Variants in PCDH9 observed in about 807,000 individuals in gnomAD.
PCDH9 encodes protocadherin 9, also known as protocadherin-9.
PCDH9 carries 24 observed loss-of-function variants against 70.6 expected under a neutral mutation model. The ratio of observed to expected loss-of-function variants is 0.34; its 90% CI spans 0.25 to 0.48. The LOEUF is 0.48. PCDH9 is among the 20% of genes least tolerant of loss of function. The pLI is 0.99. For missense variants in PCDH9, 1,281 were observed against 1,503.6 expected, an observed-to-expected ratio of 0.85 and a Z score of 2.45; for synonymous variants, 562 against 558.5, an observed-to-expected ratio of 1.01 and a Z score of -0.09.
chr13:66,686,768 CTT>C (rs2078409360), intron 3 of PCDH9, among the ~76,000 whole-genome samples: 1 of 152,142 alleles, frequency 6.6e-6, no homozygotes, highest in African/African-American at 2.4e-5. Context: ...ACAGAGGCCT[CTT>C]TTACTCTCAA....
chr13:66,479,734 A>C (rs893755379), intron 4 of PCDH9, among the ~76,000 whole-genome samples: 1 of 152,202 alleles, frequency 6.6e-6, no homozygotes, highest in African/African-American at 2.4e-5. Context: ...GCACTCTGTA[A>C]AAATGTGCCC....
chr13:67,190,820 T>C (rs1049298370), intron 2 of PCDH9, among the ~76,000 whole-genome samples: 9 of 152,252 alleles, frequency 5.9e-5, no homozygotes, highest in Non-Finnish European at 4.4e-5. Flanking sequence ...TGCCTGTTTA[T>C]GTTCTATGTG....
chr13:66,847,392 G>A (rs569060430), intron 3 of PCDH9, among the ~76,000 whole-genome samples: 3 of 152,286 alleles, frequency 2.0e-5, no homozygotes, highest in East Asian at 1.9e-4. Context: ...AAGATCCCTA[G>A]TGGGTGCCTG....
At chr13:66,628,105 T>C (rs2077522490) in intron 4 of PCDH9, among the ~76,000 whole-genome samples, 1 of 152,206 alleles carries the variant, frequency 6.6e-6, no homozygotes, top group Admixed American at 6.5e-5. Flanking sequence ...GTAAAAATTA[T>C]TTTCTAGCCG....
At chr13:67,039,540 T>C (rs940434230) in intron 2 of PCDH9, among the ~76,000 whole-genome samples, 5 of 152,106 alleles carry the variant, frequency 3.3e-5, no homozygotes, top group African/African-American at 1.2e-4. Flanking sequence ...TTCTTACCAG[T>C]TGACTCACAA....
intron 3 of PCDH9, among the ~76,000 whole-genome samples, chr13:66,730,903 TTGTG>T: frequency 7.4e-6 from 1 of 135,854 alleles, no homozygotes; most frequent in African/African-American, 2.7e-5. Flanking sequence ...TTCTTTTTTT[TTGTG>T]GAGACAGAGG....
chr13:66,408,904 C>T (rs1957326442), intron 4 of PCDH9, among the ~76,000 whole-genome samples: 1 of 152,024 alleles, frequency 6.6e-6, no homozygotes, highest in Admixed American at 6.5e-5. Flanking sequence ...TCTGTACTGA[C>T]ATATAAGGAC....
chr13:66,499,576 C>G, intron 4 of PCDH9, among the ~76,000 whole-genome samples: 1 of 152,096 alleles, frequency 6.6e-6, no homozygotes, highest in East Asian at 1.9e-4. Flanking sequence ...GCTACACTGC[C>G]CATGGGAGTG....
At chr13:66,747,338 G>A (rs865956334) in intron 3 of PCDH9, among the ~76,000 whole-genome samples, 10 of 151,832 alleles carry the variant, frequency 6.6e-5, no homozygotes, top group Non-Finnish European at 1.2e-4. Flanking sequence ...GCAACAGTGC[G>A]AGACGCCATC....
chr13:66,668,683 T>C (rs1241690112), intron 3 of PCDH9, among the ~76,000 whole-genome samples: 1 of 152,206 alleles, frequency 6.6e-6, no homozygotes, highest in Non-Finnish European at 1.5e-5. Flanking sequence ...TTCCAGAGAA[T>C]CTGGCTTTCA....
chr13:66,462,207 G>C (rs1958437304), intron 4 of PCDH9, among the ~76,000 whole-genome samples: 1 of 151,814 alleles, frequency 6.6e-6, no homozygotes, highest in African/African-American at 2.4e-5. Flanking sequence ...CAGTGCTATA[G>C]GTGGCAAACA....
chr13:66,319,141 G>T (rs1179123060), intron 4 of PCDH9, among the ~76,000 whole-genome samples: 1 of 152,164 alleles, frequency 6.6e-6, no homozygotes, highest in Non-Finnish European at 1.5e-5. Flanking sequence ...TCACAAGGCG[G>T]CAGGAGAGAG....
intron 2 of PCDH9, chr13:67,221,896 C>T (rs1430663067): frequency 1.3e-5 from 2 of 151,992 alleles, no homozygotes; most frequent in African/African-American, 4.8e-5. Flanking sequence ...CTGACACTTC[C>T]TGTTTCAATA....
At chr13:66,464,086 T>C (rs1958472875) in intron 4 of PCDH9, among the ~76,000 whole-genome samples, 1 of 151,926 alleles carries the variant, frequency 6.6e-6, no homozygotes, top group South Asian at 2.1e-4. Flanking sequence ...GAAATATTTA[T>C]TTTGTAATAT....
chr13:66,410,825 A>G (rs1421977026), intron 4 of PCDH9, among the ~76,000 whole-genome samples: 1 of 152,228 alleles, frequency 6.6e-6, no homozygotes, highest in Non-Finnish European at 1.5e-5. Flanking sequence ...AGGAAGATAA[A>G]ATATTTTTAG....
At chr13:66,540,418 G>A (rs1254045168) in intron 4 of PCDH9, among the ~76,000 whole-genome samples, 1 of 152,064 alleles carries the variant, frequency 6.6e-6, no homozygotes. Context: ...TTCTGTTCAT[G>A]TAAGTTAAAG....
intron 3 of PCDH9, among the ~76,000 whole-genome samples, chr13:66,899,127 T>C (rs2082234357): frequency 1.3e-5 from 2 of 152,108 alleles, no homozygotes; most frequent in East Asian, 1.9e-4. Flanking sequence ...GGCAATTTTA[T>C]GAAACCAATG....
intron 4 of PCDH9, among the ~76,000 whole-genome samples, chr13:66,396,602 CA>C: frequency 6.6e-6 from 1 of 152,244 alleles, no homozygotes; most frequent in Middle Eastern, 3.4e-3. Context: ...GATAGATAGA[CA>C]AACAACTAAA....
intron 2 of PCDH9, among the ~76,000 whole-genome samples, chr13:66,995,626 T>A (rs916786056): frequency 6.6e-6 from 1 of 152,182 alleles, no homozygotes; most frequent in African/African-American, 2.4e-5. Context: ...TTAAGATGGT[T>A]TTCTGTGACT....
Sources: gnomAD v4.1 joint callset for allele counts (sites outside exome capture counted in the v4.1 genomes callset) on GRCh38, gnomAD v4.1.1 for gene constraint, MANE v1.5 for transcripts, NCBI Gene and HGNC (gene_info 2026-07-23, HGNC 2026-07-21) for gene names.